The following KIAA1328 variants were observed in gnomAD, a reference collection of about 807,000 sequenced individuals.
KIAA1328 encodes protein hinderin.
KIAA1328 carries 52 observed loss-of-function variants against 68.1 expected under a neutral mutation model. The ratio of observed to expected loss-of-function variants is 0.76; its 90% CI spans 0.61 to 0.96. KIAA1328 has a LOEUF of 0.96. KIAA1328 is among the 40% of genes least tolerant of loss of function. The probability of loss-of-function intolerance (pLI) is 0.00; values close to 1 mark genes in which losing one functional copy is unlikely to be tolerated. For synonymous variants in KIAA1328, 232 were observed against 239.4 expected, an observed-to-expected ratio of 0.97 and a Z score of 0.28; for missense variants, 641 against 677.6, an observed-to-expected ratio of 0.95 and a Z score of 0.60.
chr18:37,219,152 A>T (rs1366281060), intron 9 of KIAA1328, among the ~76,000 whole-genome samples: 1 of 152,202 alleles, frequency 6.6e-6, no homozygotes, highest in African/African-American at 2.4e-5. Flanking sequence ...ATGGCTGCAG[A>T]ACCGCAAATA....
chr18:36,841,239 CTCTT>C (rs2046848331), intron 3 of KIAA1328, among the ~76,000 whole-genome samples: 1 of 151,968 alleles, frequency 6.6e-6, no homozygotes, highest in African/African-American at 2.4e-5. Context: ...AGTTCCCTCT[CTCTT>C]TTGTGGCCAT....
At chr18:37,036,183 T>C (rs1368690428) in intron 6 of KIAA1328, among the ~76,000 whole-genome samples, 1 of 152,214 alleles carries the variant, frequency 6.6e-6, no homozygotes, top group African/African-American at 2.4e-5. Flanking sequence ...AGAAAACTGC[T>C]CTGTGAAAGA....
chr18:36,940,769 G>A (rs374816189), intron 5 of KIAA1328, among the ~76,000 whole-genome samples: 21 of 149,498 alleles, frequency 1.4e-4, no homozygotes, highest in Admixed American at 1.1e-3. Context: ...TCTGCCTCCC[G>A]GGTTCAAGCG....
intron 7 of KIAA1328, among the ~76,000 whole-genome samples, chr18:37,123,507 T>A (rs752177343): frequency 1.3e-5 from 2 of 151,990 alleles, no homozygotes; most frequent in Non-Finnish European, 2.9e-5. Context: ...TAAGAGAAAA[T>A]TTTTAGATGG....
intron 7 of KIAA1328, among the ~76,000 whole-genome samples, chr18:37,147,942 T>A (rs369266024): frequency 6.6e-6 from 1 of 152,150 alleles, no homozygotes. Context: ...CTATTGCTCC[T>A]AGGCTACAAA....
chr18:36,987,788 C>T (rs1469221631), intron 6 of KIAA1328, among the ~76,000 whole-genome samples: 2 of 151,580 alleles, frequency 1.3e-5, no homozygotes, highest in African/African-American at 4.8e-5. Context: ...TACTTATGTG[C>T]AGGTGATTGC....
At chr18:36,996,210 T>C (rs148956603) in intron 6 of KIAA1328, among the ~76,000 whole-genome samples, 2 of 152,334 alleles carry the variant, frequency 1.3e-5, no homozygotes, top group Non-Finnish European at 2.9e-5. Context: ...ATAACATCAG[T>C]ACAACAATAA....
intron 5 of KIAA1328, among the ~76,000 whole-genome samples, chr18:36,938,282 G>A (rs1238271986): frequency 6.6e-6 from 1 of 151,896 alleles, no homozygotes; most frequent in African/African-American, 2.4e-5. Flanking sequence ...CATCTTTTTG[G>A]TAATAGCCAT....
intron 6 of KIAA1328, among the ~76,000 whole-genome samples, chr18:37,046,665 AT>A (rs1386391270): frequency 3.3e-5 from 5 of 152,138 alleles, no homozygotes; most frequent in Non-Finnish European, 7.3e-5. Context: ...TTTAAAAAAT[AT>A]TTTTTCCTAT....
chr18:36,890,920 T>A (rs1354243926), intron 5 of KIAA1328, among the ~76,000 whole-genome samples: 3 of 152,126 alleles, frequency 2.0e-5, no homozygotes, highest in African/African-American at 4.8e-5. Context: ...TAGAGAAATA[T>A]GCAAAATTAA....
chr18:37,198,619 A>G (rs1366837612), intron 9 of KIAA1328, among the ~76,000 whole-genome samples: 1 of 152,198 alleles, frequency 6.6e-6, no homozygotes, highest in Non-Finnish European at 1.5e-5. Flanking sequence ...TAGAGCAGAT[A>G]TGCATTACTA....
At chr18:36,838,981 C>G (rs2150783343) in intron 3 of KIAA1328, among the ~76,000 whole-genome samples, 1 of 152,314 alleles carries the variant, frequency 6.6e-6, no homozygotes, top group East Asian at 1.9e-4. Context: ...TATCTGCCCG[C>G]CTCGGCCTCC....
At chr18:37,109,432 ATG>A (rs2057866969) in intron 7 of KIAA1328, among the ~76,000 whole-genome samples, 1 of 152,160 alleles carries the variant, frequency 6.6e-6, no homozygotes. Context: ...TAATAACTAC[ATG>A]TTTTTGTCTC....
chr18:37,071,954 C>T (rs2056548617), intron 7 of KIAA1328, among the ~76,000 whole-genome samples: 1 of 151,504 alleles, frequency 6.6e-6, no homozygotes, highest in Non-Finnish European at 1.5e-5. Context: ...ATAGACTAAA[C>T]CAAAAAAAGC....
intron 3 of KIAA1328, among the ~76,000 whole-genome samples, chr18:36,837,648 G>T (rs2046724075): frequency 6.6e-6 from 1 of 151,998 alleles, no homozygotes; most frequent in Admixed American, 6.6e-5. Context: ...TCATATCTGA[G>T]AAATTGTTGC....
chr18:36,988,622 AT>A (rs2053042608), intron 6 of KIAA1328, among the ~76,000 whole-genome samples: 1 of 152,206 alleles, frequency 6.6e-6, no homozygotes, highest in Admixed American at 6.5e-5. Flanking sequence ...AGGGCTTGCT[AT>A]TTAGTGAACA....
At chr18:36,962,615 A>G (rs1025690029) in intron 6 of KIAA1328, among the ~76,000 whole-genome samples, 2 of 152,190 alleles carry the variant, frequency 1.3e-5, no homozygotes, top group Admixed American at 1.3e-4. Flanking sequence ...AATCACAACA[A>G]ACTGTCTCAG....
chr18:37,179,617 G>A (rs1022286302), intron 9 of KIAA1328, among the ~76,000 whole-genome samples: 1 of 152,134 alleles, frequency 6.6e-6, no homozygotes, highest in African/African-American at 2.4e-5. Context: ...GAGACTGAGA[G>A]CCAGGAACTA....
chr18:36,902,755 A>G (rs1303887108), intron 5 of KIAA1328, among the ~76,000 whole-genome samples: 1 of 152,124 alleles, frequency 6.6e-6, no homozygotes, highest in Non-Finnish European at 1.5e-5. Flanking sequence ...GAAAGTGCTT[A>G]GAAATAAAGC....
Sources: gnomAD v4.1 joint callset for allele counts (sites outside exome capture counted in the v4.1 genomes callset) on GRCh38, gnomAD v4.1.1 for gene constraint, MANE v1.5 for transcripts, NCBI Gene and HGNC (gene_info 2026-07-23, HGNC 2026-07-21) for gene names.